AMMECR1: variants seen among roughly 807,000 people sequenced by gnomAD.
AMMECR1 encodes the protein AMMECR nuclear protein 1, also known as nuclear protein AMMECR1.
In AMMECR1, 3 loss-of-function variants were observed where a neutral mutation model predicts 22.5. The ratio of observed to expected loss-of-function variants is 0.13; its 90% CI spans 0.06 to 0.35. The LOEUF is 0.35. AMMECR1 is among the 10% of genes least tolerant of loss of function. AMMECR1 has a pLI of 1.00. For synonymous variants in AMMECR1, 130 were observed against 116.7 expected, an observed-to-expected ratio of 1.11 and a Z score of -0.74; for missense variants, 235 against 278.7, an observed-to-expected ratio of 0.84 and a Z score of 1.12.
At chrX:110,428,601 C>G (rs997124705) in intron 1 of AMMECR1, among the ~76,000 whole-genome samples, 10 of 111,157 alleles carry the variant, frequency 9.0e-5, no homozygotes, top group Middle Eastern at 4.7e-3. Context: ...TCTGAACACT[C>G]CCCCCCTCTC....
chrX:110,376,549 G>A (rs192227787), intron 2 of AMMECR1, among the ~76,000 whole-genome samples: 7 of 112,134 alleles, frequency 6.2e-5, no homozygotes, highest in African/African-American at 1.9e-4. Context: ...TTTGGAGAGA[G>A]CCATGGTGCC....
At chrX:110,322,120 C>T (rs189748447), upstream of AMMECR1, among the ~76,000 whole-genome samples, 71 of 112,448 alleles carry the variant, frequency 6.3e-4, 1 homozygote, top group Admixed American at 6.6e-3. Context: ...TCATTTACAT[C>T]TTCTATTGTC....
chrX:110,336,854 G>A (rs1369276854), intron 2 of AMMECR1, among the ~76,000 whole-genome samples: 2 of 111,680 alleles, frequency 1.8e-5, no homozygotes, highest in African/African-American at 6.5e-5. Context: ...ACCTGAGGTA[G>A]GGAAGGCTGC....
intron 2 of AMMECR1, among the ~76,000 whole-genome samples, chrX:110,370,395 G>C (rs979979250): frequency 1.3e-4 from 14 of 110,542 alleles, no homozygotes; most frequent in Non-Finnish European, 2.5e-4. Context: ...TTTTAGTAGA[G>C]ACATGGTTTC....
chrX:110,306,878 T>C (rs1004254460), intron 1 of AMMECR1: 7 of 111,910 alleles, frequency 6.3e-5, no homozygotes, highest in African/African-American at 1.9e-4. Flanking sequence ...AGAGTGCTTA[T>C]AGTTAACATT....
intron 2 of AMMECR1, among the ~76,000 whole-genome samples, chrX:110,333,513 C>A (rs528689208): frequency 1.8e-4 from 20 of 111,599 alleles, no homozygotes; most frequent in African/African-American, 6.2e-4. Context: ...TCTATAAAGA[C>A]ACATGCACAC....
intron 1 of AMMECR1, among the ~76,000 whole-genome samples, chrX:110,431,877 A>T (rs1191787311): frequency 9.0e-6 from 1 of 111,555 alleles, no homozygotes; most frequent in African/African-American, 3.3e-5. Flanking sequence ...ACCAGGAGAG[A>T]TTTGGGAGTT....
intron 2 of AMMECR1, among the ~76,000 whole-genome samples, chrX:110,349,444 T>C: frequency 8.9e-6 from 1 of 111,839 alleles, no homozygotes; most frequent in Non-Finnish European, 1.9e-5. Context: ...CTCAAAGGTC[T>C]GACCTCCAAA....
At chrX:110,208,084 G>C (rs971855026) in intron 3 of AMMECR1, among the ~76,000 whole-genome samples, 16 of 112,410 alleles carry the variant, frequency 1.4e-4, no homozygotes, top group African/African-American at 4.5e-4. Flanking sequence ...TCTTATCTTA[G>C]TGACGTAAAA....
intron 2 of AMMECR1, among the ~76,000 whole-genome samples, chrX:110,241,934 T>C (rs974591257): frequency 2.7e-5 from 3 of 111,764 alleles, no homozygotes; most frequent in African/African-American, 9.8e-5. Context: ...AAGGAAGCAT[T>C]CCTGGAGGTT....
upstream of AMMECR1, among the ~76,000 whole-genome samples, chrX:110,319,119 T>G (rs751517506): frequency 1.1e-4 from 12 of 112,535 alleles, no homozygotes; most frequent in Non-Finnish European, 2.1e-4. Context: ...TTTTTAAAAT[T>G]TCTCAATTAA....
At chrX:110,385,878 C>G in intron 2 of AMMECR1, among the ~76,000 whole-genome samples, 1 of 111,500 alleles carries the variant, frequency 9.0e-6, no homozygotes, top group South Asian at 3.8e-4. Flanking sequence ...TCCATGTGTA[C>G]CCAGTGTTTA....
At chrX:110,358,427 T>G (rs1423514658) in intron 2 of AMMECR1, among the ~76,000 whole-genome samples, 1 of 111,070 alleles carries the variant, frequency 9.0e-6, no homozygotes, top group Non-Finnish European at 1.9e-5. Context: ...ACTTTCTGAG[T>G]GCTTACCACA....
chrX:110,215,775 C>T (rs2067470645), intron 3 of AMMECR1, among the ~76,000 whole-genome samples: 1 of 111,437 alleles, frequency 9.0e-6, no homozygotes, highest in Admixed American at 9.5e-5. Context: ...ATAAAACAGG[C>T]ATTCAGTAAT....
chrX:110,221,555 A>C, intron 2 of AMMECR1, among the ~76,000 whole-genome samples: 1 of 111,842 alleles, frequency 8.9e-6, no homozygotes, highest in East Asian at 2.8e-4. Flanking sequence ...TTTCAATTGT[A>C]AGCTATATGT....
At chrX:110,234,672 G>A (rs1459622047) in intron 2 of AMMECR1, among the ~76,000 whole-genome samples, 3 of 111,184 alleles carry the variant, frequency 2.7e-5, no homozygotes, top group Non-Finnish European at 3.8e-5. Context: ...CAGAAATAAT[G>A]CCACACATCT....
At chrX:110,439,180 T>C (rs1381696603) in intron 1 of AMMECR1, among the ~76,000 whole-genome samples, 1 of 111,950 alleles carries the variant, frequency 8.9e-6, no homozygotes, top group African/African-American at 3.3e-5. Context: ...TGAGCAGCCA[T>C]TGGAGCTGCT....
At chrX:110,423,948 A>AT (rs1210142564) in intron 2 of AMMECR1, among the ~76,000 whole-genome samples, 2 of 112,177 alleles carry the variant, frequency 1.8e-5, no homozygotes, top group Non-Finnish European at 3.8e-5. Flanking sequence ...TTTTCATGGC[A>AT]TTTTGCTAAA....
intron 2 of AMMECR1, among the ~76,000 whole-genome samples, chrX:110,406,993 C>T (rs1274286672): frequency 4.5e-5 from 5 of 111,515 alleles, no homozygotes; most frequent in Admixed American, 1.9e-4. Context: ...GAGCTGAATG[C>T]CTTCTTTGGC....
Sources: gnomAD v4.1 joint callset for allele counts (sites outside exome capture counted in the v4.1 genomes callset) on GRCh38, gnomAD v4.1.1 for gene constraint, MANE v1.5 for transcripts, NCBI Gene and HGNC (gene_info 2026-07-23, HGNC 2026-07-21) for gene names.